PCDH9: variants seen among roughly 807,000 people sequenced by gnomAD.
PCDH9 encodes protocadherin-9.
PCDH9 carries 24 observed loss-of-function variants against 70.6 expected under a neutral mutation model. The ratio of observed to expected loss-of-function variants is 0.34; its 90% CI spans 0.25 to 0.48. The LOEUF (loss-of-function observed/expected upper bound fraction) is 0.48. PCDH9 is among the 20% of genes least tolerant of loss of function. The probability of loss-of-function intolerance (pLI) is 0.99; values close to 1 mark genes in which losing one functional copy is unlikely to be tolerated. For missense variants in PCDH9, 1,281 were observed against 1,503.6 expected (o/e 0.85, Z 2.45); for synonymous variants, 562 against 558.5 (o/e 1.01, Z -0.09).
intron 3 of PCDH9, among the ~76,000 whole-genome samples, chr13:66,880,860 T>A (rs1481578325): frequency 6.6e-6 from 1 of 152,172 alleles, no homozygotes; most frequent in Non-Finnish European, 1.5e-5. Context: ...GCTAGAAAAT[T>A]TCTGATAATA....
At chr13:66,411,058 T>C (rs1456638152) in intron 4 of PCDH9, among the ~76,000 whole-genome samples, 1 of 152,212 alleles carries the variant, frequency 6.6e-6, no homozygotes, top group Non-Finnish European at 1.5e-5. Flanking sequence ...TATATTTCAC[T>C]TCATATTACC....
chr13:66,317,469 GGGAC>G (rs1169471815), intron 4 of PCDH9, among the ~76,000 whole-genome samples: 2 of 152,154 alleles, frequency 1.3e-5, no homozygotes, highest in Non-Finnish European at 2.9e-5. Context: ...TGGAGTTAAA[GGGAC>G]TGGGAATTCC....
intron 4 of PCDH9, among the ~76,000 whole-genome samples, chr13:66,363,200 A>G (rs1409031700): frequency 6.6e-6 from 1 of 152,256 alleles, no homozygotes; most frequent in Non-Finnish European, 1.5e-5. Context: ...AAAAAGAGAT[A>G]CAACTTGTGT....
At chr13:66,744,693 A>T (rs1389012449) in intron 3 of PCDH9, among the ~76,000 whole-genome samples, 1 of 152,164 alleles carries the variant, frequency 6.6e-6, no homozygotes, top group East Asian at 1.9e-4. Context: ...ACAAGAAAGA[A>T]ATTCAGGTAT....
chr13:67,094,710 C>A (rs909180558), intron 2 of PCDH9, among the ~76,000 whole-genome samples: 5 of 150,352 alleles, frequency 3.3e-5, no homozygotes, highest in African/African-American at 1.2e-4. Flanking sequence ...ATAAAATAGA[C>A]TTTTTTCAAA....
At chr13:67,064,855 T>C (rs1251981600) in intron 2 of PCDH9, among the ~76,000 whole-genome samples, 3 of 152,040 alleles carry the variant, frequency 2.0e-5, no homozygotes, top group Non-Finnish European at 4.4e-5. Context: ...TATGTATTTT[T>C]GTATCTGTGT....
At chr13:66,357,531 T>A (rs547667904) in intron 4 of PCDH9, among the ~76,000 whole-genome samples, 5 of 152,154 alleles carry the variant, frequency 3.3e-5, no homozygotes, top group African/African-American at 9.6e-5. Context: ...GGATGTCAAA[T>A]CCTTCATAGC....
chr13:67,182,622 A>G (rs1423193984), intron 2 of PCDH9, among the ~76,000 whole-genome samples: 1 of 152,154 alleles, frequency 6.6e-6, no homozygotes, highest in Non-Finnish European at 1.5e-5. Context: ...CCCACTTAGG[A>G]TGCAATATAA....
intron 2 of PCDH9, among the ~76,000 whole-genome samples, chr13:67,081,313 A>T (rs2085978261): frequency 6.6e-6 from 1 of 152,230 alleles, no homozygotes; most frequent in Non-Finnish European, 1.5e-5. Context: ...TCACACCTGT[A>T]ATCCCAGCAC....
intron 4 of PCDH9, among the ~76,000 whole-genome samples, chr13:66,622,025 TG>T (rs775121790): frequency 3.9e-5 from 6 of 152,198 alleles, no homozygotes; most frequent in Non-Finnish European, 2.9e-5. Context: ...GTGGGCTTGG[TG>T]GGCCCCGCAC....
At chr13:66,826,487 A>T (rs549144498) in intron 3 of PCDH9, among the ~76,000 whole-genome samples, 7 of 152,294 alleles carry the variant, frequency 4.6e-5, no homozygotes, top group African/African-American at 1.7e-4. Flanking sequence ...AAATAATTTA[A>T]TTAACACCTG....
chr13:66,325,043 A>G (rs905756427), intron 4 of PCDH9, among the ~76,000 whole-genome samples: 2 of 152,004 alleles, frequency 1.3e-5, no homozygotes, highest in African/African-American at 4.8e-5. Context: ...TGTACCCACT[A>G]TAACTCATGA....
At chr13:66,890,592 C>T (rs1006814472) in intron 3 of PCDH9, among the ~76,000 whole-genome samples, 5 of 151,746 alleles carry the variant, frequency 3.3e-5, no homozygotes, top group African/African-American at 1.2e-4. Flanking sequence ...GAAGTCATCC[C>T]TTTGAAATGA....
intron 3 of PCDH9, among the ~76,000 whole-genome samples, chr13:66,798,281 G>A (rs145735070): frequency 1.1e-3 from 166 of 152,126 alleles, no homozygotes; most frequent in East Asian, 7.2e-3. Context: ...ATTAAATGCC[G>A]TAAATAATTT....
At chr13:66,971,785 A>T (rs1190293680) in intron 2 of PCDH9, among the ~76,000 whole-genome samples, 1 of 151,952 alleles carries the variant, frequency 6.6e-6, no homozygotes, top group East Asian at 1.9e-4. Flanking sequence ...AATATATCTG[A>T]AAGAACTTAG....
intron 4 of PCDH9, among the ~76,000 whole-genome samples, chr13:66,538,730 C>T (rs1405554216): frequency 2.0e-5 from 3 of 146,902 alleles, no homozygotes; most frequent in Admixed American, 7.1e-5. Context: ...ATGTCAATCT[C>T]ATCTAAGTAA....
chr13:66,638,890 T>G (rs887183228), intron 3 of PCDH9, among the ~76,000 whole-genome samples: 1 of 152,230 alleles, frequency 6.6e-6, no homozygotes, highest in Non-Finnish European at 1.5e-5. Context: ...AACATTCCAC[T>G]AGCTGTCAGC....
At chr13:66,715,415 T>C (rs1747213856) in intron 3 of PCDH9, among the ~76,000 whole-genome samples, 2 of 152,146 alleles carry the variant, frequency 1.3e-5, no homozygotes, top group South Asian at 4.1e-4. Flanking sequence ...TTAAAAATGA[T>C]GCAATTAATA....
chr13:66,352,390 CAACT>C (rs1475695899), intron 4 of PCDH9, among the ~76,000 whole-genome samples: 10 of 152,186 alleles, frequency 6.6e-5, no homozygotes, highest in African/African-American at 9.6e-5. Flanking sequence ...AAAATGCCAC[CAACT>C]GAGTGGCTTA....
Sources: allele counts gnomAD v4.1 joint callset (sites outside exome capture counted in the v4.1 genomes callset), GRCh38; gene constraint gnomAD v4.1.1; transcripts MANE v1.5; gene names NCBI Gene and HGNC (gene_info 2026-07-23, HGNC 2026-07-21).